Variants in NFILZ observed in about 807,000 individuals in gnomAD.
NFILZ encodes the protein NFIL3 like basic leucine zipper.
chr19:8,645,113 C>T (rs2042933681), intron 3 of NFILZ, among the ~76,000 whole-genome samples: 1 of 149,202 alleles, frequency 6.7e-6, no homozygotes, highest in South Asian at 2.2e-4. Flanking sequence ...AATTATCTCA[C>T]TGTATGAGAT....
intron 3 of NFILZ, among the ~76,000 whole-genome samples, chr19:8,656,392 CG>C: frequency 3.3e-5 from 1 of 30,246 alleles, no homozygotes; most frequent in South Asian, 1.3e-3. Flanking sequence ...CACCTTCTCC[CG>C]CAGCCCACCT....
rs139731086 is a variant in NFILZ, at chr19:8,631,709, G to A, written c.-410-767G>A. 2.4e-3 allele frequency among the ~76,000 whole-genome samples: 362 copies of A among 152,158 alleles called. 2 individuals are homozygous for A. Among genetic ancestry groups the A allele is most frequent in the African/African-American group, 8.4e-3 (349 of 41,534 alleles). On this transcript the variant is annotated intron_variant, in intron 1 of 5. Transcript: ENST00000691075. ...TTCGTGTCCAGCCCCTTTGTGCGGC[G>A]GCTCCAGCCTCTCAGCCTCCTGGCC...
At chr19:8,631,563 AGTCTTGGCCCCCT>A (rs1555745513) in intron 1 of NFILZ, among the ~76,000 whole-genome samples, 5 of 152,030 alleles carry the variant, frequency 3.3e-5, no homozygotes, top group African/African-American at 1.2e-4. Context: ...CAAACATCTG[AGTCTTGGCCCCCT>A]CTTCCCCCGA....
intron 3 of NFILZ, among the ~76,000 whole-genome samples, chr19:8,653,039 T>TCTTTCTTTCTTTCTTTCTTTCTCTCTCC (rs2042975490): frequency 1.3e-5 from 1 of 77,396 alleles, no homozygotes; most frequent in Non-Finnish European, 2.5e-5. Flanking sequence ...TTTCTTTCTT[T>TCTTTCTTTCTTTCTTTCTTTCTCTCTCC]CTCTCTCTCT....
At chr19:8,631,988 G>A (rs2042872426) in intron 1 of NFILZ, among the ~76,000 whole-genome samples, 1 of 152,000 alleles carries the variant, frequency 6.6e-6, no homozygotes, top group Non-Finnish European at 1.5e-5. Flanking sequence ...TTTCGTCTCA[G>A]CCTCTCCAGT....
At position 8,663,615 on chromosome 19, in the gene NFILZ, T is replaced by C. The variant is rs567319955; in HGVS notation, c.-163-10936T>C. On this transcript the variant is annotated intron_variant, in intron 3 of 5. Transcript: ENST00000691075. ...GTTGAGTATTTGATGCTCGCGGGCG[T>C]TGGGAGGTAAATGTCCCACGAATGC... Among the ~76,000 whole-genome samples, 3 of 151,986 alleles carry C rather than the reference T, an allele frequency of 2.0e-5. No homozygotes were observed. In the South Asian group the frequency reaches 6.2e-4, roughly 32 times the overall value.
intron 3 of NFILZ, among the ~76,000 whole-genome samples, chr19:8,641,549 C>G (rs1425954004): frequency 6.6e-6 from 1 of 152,198 alleles, no homozygotes; most frequent in African/African-American, 2.4e-5. Flanking sequence ...GGGTTCATAA[C>G]CTCTGATCTA....
rs2043126009 is a variant in NFILZ at position 8,678,158 on chromosome 19, C to A, written c.*523C>A. On this transcript the variant is annotated 3_prime_UTR_variant, in exon 6 of 6. Transcript: ENST00000691075. ...CCATTCATCCACTTGTCCGTCCATC[C>A]ATCCATCCATCCATCCATCCATCCA... Among the ~76,000 whole-genome samples, 1 of 14,042 alleles carries A rather than the reference C, an allele frequency of 7.1e-5. No individual in the cohort carries two copies. Among genetic ancestry groups the A allele is most frequent in the African/African-American group, 2.5e-4 (1 of 3,930 alleles). 9.2% of individuals were successfully genotyped at this position (14,042 alleles called of 152,430 possible).
In NFILZ at chr19:8,653,037, T is replaced by C. The variant is rs1310559093; in HGVS notation, c.-164+17291T>C. ...CTTTCTTTCTTTCTTTCTTTCTTTCTTTCTCTCTCTCTCTCTCTCTCTCTC... is the reference window on the plus strand; with the variant it reads ...CTTTCTTTCTTTCTTTCTTTCTTTCCTTCTCTCTCTCTCTCTCTCTCTCTC... On this transcript the variant is annotated intron_variant, in intron 3 of 5. Coordinates refer to ENST00000691075, the MANE Select transcript of NFILZ (RefSeq NM_001378600.1). 4.7e-3 allele frequency among the ~76,000 whole-genome samples: 322 copies of C among 68,298 alleles called. 26 individuals are homozygous for C. In the East Asian group the frequency reaches 0.06, roughly 13 times the overall value. The allele number at this position is 68,298 out of a possible 152,430, so 44.8% of individuals were successfully genotyped here. A position where few individuals can be genotyped will look rare whatever the true frequency, so the allele number is the denominator to read the frequency against.
chr19:8,638,724 G>A (rs1600139278), intron 3 of NFILZ: 1 of 152,110 alleles, frequency 6.6e-6, no homozygotes, highest in East Asian at 1.9e-4. Flanking sequence ...AGAGGTGGGG[G>A]GACCTCCCGG....
intron 2 of NFILZ, among the ~76,000 whole-genome samples, chr19:8,634,883 AAACAAACAAACAAACAAAC>A (rs2042887573): frequency 7.5e-6 from 1 of 133,996 alleles, no homozygotes; most frequent in Non-Finnish European, 1.8e-5. Context: ...ACAAACAAAC[AAACAAACAAACAAACAAAC>A]AAAAAAACAA....
At chr19:8,655,649 TG>T (rs549949782) in intron 3 of NFILZ, among the ~76,000 whole-genome samples, 7 of 152,250 alleles carry the variant, frequency 4.6e-5, no homozygotes, top group African/African-American at 1.7e-4. Context: ...CATGCTGGGC[TG>T]GCCCGTTCAG....
intron 4 of NFILZ, among the ~76,000 whole-genome samples, 36 bp downstream of exon 4, chr19:8,674,636 T>A (rs2043102909): frequency 6.6e-6 from 1 of 152,268 alleles, no homozygotes. Context: ...TGTATTCTTT[T>A]TCTGAGGGCG....
chr19:8,653,038 TTCTCTCTCTCTCTCTCTCTC>T (rs1163296485), intron 3 of NFILZ, among the ~76,000 whole-genome samples: 63 of 90,556 alleles, frequency 7.0e-4, no homozygotes, highest in Middle Eastern at 5.6e-3. Flanking sequence ...CTTTCTTTCT[TTCTCTCTCTCTCTCTCTCTC>T]TCTCTCTCTC....
rs2043122220 is a variant in NFILZ at position 8,678,077 on chromosome 19, AATCCATCCATCCAT to A, written c.*443_*456del. Among the ~76,000 whole-genome samples the A allele has an allele frequency of 4.9e-4, 3 of 6,106 alleles. No individual in the cohort carries two copies. Among genetic ancestry groups the A allele is most frequent in the East Asian group, 5.8e-3 (1 of 172 alleles). 4.0% of individuals were successfully genotyped at this position (6,106 alleles called of 152,430 possible). On this transcript the variant is annotated 3_prime_UTR_variant, in exon 6 of 6. Coordinates refer to ENST00000691075, the MANE Select transcript of NFILZ (RefSeq NM_001378600.1). ...CCACCCATCTATTCATCCATCCATC[AATCCATCCATCCAT>A]TCCATCCATCCATCCATCCATCCAT...
intron 3 of NFILZ, among the ~76,000 whole-genome samples, chr19:8,657,394 G>A (rs1194841526): frequency 6.6e-6 from 1 of 152,080 alleles, no homozygotes; most frequent in South Asian, 2.1e-4. Context: ...CAGCCACCGC[G>A]CCTGGCCTGG....
intron 3 of NFILZ, among the ~76,000 whole-genome samples, chr19:8,640,605 G>A (rs1412898851): frequency 2.6e-5 from 4 of 152,106 alleles, no homozygotes; most frequent in East Asian, 1.9e-4. Flanking sequence ...TTGAGGCGGC[G>A]ACACGATGAG....
At chr19:8,645,414 A>G (rs573581860) in intron 3 of NFILZ, among the ~76,000 whole-genome samples, 1 of 151,866 alleles carries the variant, frequency 6.6e-6, no homozygotes, top group African/African-American at 2.4e-5. Flanking sequence ...TGCTGGGATT[A>G]CAGGCATGAG....
At chr19:8,653,272 G>A (rs1403568866) in intron 3 of NFILZ, among the ~76,000 whole-genome samples, 1 of 151,864 alleles carries the variant, frequency 6.6e-6, no homozygotes, top group Admixed American at 6.6e-5. Flanking sequence ...GTAGAGACAG[G>A]GATTCGCCAT....
Sources: allele counts gnomAD v4.1 joint callset (sites outside exome capture counted in the v4.1 genomes callset), GRCh38; gene constraint gnomAD v4.1.1; transcripts MANE v1.5; gene names NCBI Gene and HGNC (gene_info 2026-07-23, HGNC 2026-07-21).